MTCL1: variants seen among roughly 807,000 people sequenced by gnomAD.
MTCL1 encodes the protein microtubule crosslinking factor 1, also known as microtubule cross-linking factor 1.
Under a neutral mutation model 141.4 loss-of-function variants are expected in MTCL1, and 79 were observed. The observed-to-expected ratio is 0.56, with a 90% CI of 0.47 to 0.67. MTCL1 has a LOEUF of 0.67. Among genes scored for constraint, MTCL1 ranks in the 30% least tolerant of loss-of-function variants. The probability of loss-of-function intolerance (pLI) is 0.00; values close to 1 mark genes in which losing one functional copy is unlikely to be tolerated. For missense variants in MTCL1, 2,177 were observed against 2,113.9 expected (o/e 1.03, Z -0.59); for synonymous variants, 914 against 875.8 (o/e 1.04, Z -0.77).
chr18:8,825,943 A>G, exon 15 of MTCL1: 1 of 1,602,216 alleles, frequency 6.2e-7, no homozygotes. Flanking sequence ...CCCCGACCAG[A>G]GCTGGGCCCA....
intron 5 of MTCL1, among the ~76,000 whole-genome samples, chr18:8,780,005 A>C (rs1026650007): frequency 2.0e-5 from 3 of 152,112 alleles, no homozygotes; most frequent in African/African-American, 7.2e-5. Context: ...CCAGAAATCA[A>C]GGTGATTTGA....
chr18:8,832,026 A>G, exon 17 of MTCL1: 1 of 601,026 alleles, frequency 1.7e-6, no homozygotes, highest in East Asian at 2.8e-5. Flanking sequence ...ATAGCTCAGA[A>G]AACTATTTTT....
intron 7 of MTCL1, among the ~76,000 whole-genome samples, chr18:8,788,870 G>A (rs752460966): frequency 2.0e-5 from 3 of 152,214 alleles, no homozygotes; most frequent in Non-Finnish European, 2.9e-5. Context: ...TGTTTCTGCT[G>A]CCTGCTCTTC....
chr18:8,812,775 A>G, intron 11 of MTCL1: 1 of 586,310 alleles, frequency 1.7e-6, no homozygotes, highest in Admixed American at 3.3e-5. Flanking sequence ...TGGGAAGCTC[A>G]GTTTACTCAC....
At chr18:8,746,364 G>T (rs527530075) in intron 4 of MTCL1, among the ~76,000 whole-genome samples, 1 of 152,288 alleles carries the variant, frequency 6.6e-6, no homozygotes, top group South Asian at 2.1e-4. Flanking sequence ...AATGCACAAG[G>T]CTTCCAATTT....
chr18:8,783,690 C>A (rs779687112), exon 6 of MTCL1: 14 of 1,610,236 alleles, frequency 8.7e-6, no homozygotes, highest in Non-Finnish European at 1.2e-5. Context: ...CCCCTGCCCA[C>A]GGGGGAAGCA....
chr18:8,823,579 C>T (rs16954325), intron 14 of MTCL1, among the ~76,000 whole-genome samples: 17,531 of 152,250 alleles, frequency 0.12, 1,107 homozygotes, highest in Middle Eastern at 0.14. Context: ...CCTTCCTTTC[C>T]GGCACTGGAT....
intron 4 of MTCL1, among the ~76,000 whole-genome samples, chr18:8,768,187 A>G (rs2096468142): frequency 6.6e-6 from 1 of 152,146 alleles, no homozygotes; most frequent in African/African-American, 2.4e-5. Flanking sequence ...ATTGTACTAT[A>G]CTTGGTTTAT....
chr18:8,811,440 G>A (rs2076481475), intron 11 of MTCL1, among the ~76,000 whole-genome samples: 1 of 151,894 alleles, frequency 6.6e-6, no homozygotes, highest in Non-Finnish European at 1.5e-5. Context: ...GAAGTTTGGG[G>A]GACAAACATC....
At chr18:8,711,054 G>A (rs956296909) in intron 1 of MTCL1, among the ~76,000 whole-genome samples, 1 of 148,166 alleles carries the variant, frequency 6.7e-6, no homozygotes, top group African/African-American at 2.5e-5. Context: ...CCTACTCCTC[G>A]ACAGTCCCCA....
intron 3 of MTCL1, among the ~76,000 whole-genome samples, chr18:8,719,172 G>A (rs1027194756): frequency 8.5e-5 from 13 of 152,146 alleles, no homozygotes; most frequent in South Asian, 2.1e-4. Flanking sequence ...GGAGAAGTGG[G>A]AATAATGGGA....
intron 14 of MTCL1, among the ~76,000 whole-genome samples, chr18:8,824,342 C>T (rs754830173): frequency 6.6e-6 from 1 of 152,238 alleles, no homozygotes; most frequent in African/African-American, 2.4e-5. Flanking sequence ...CGTCTTCACC[C>T]TTCAGCTGTG....
intron 14 of MTCL1, among the ~76,000 whole-genome samples, chr18:8,824,262 G>T (rs2076939228): frequency 6.6e-6 from 1 of 152,226 alleles, no homozygotes; most frequent in Non-Finnish European, 1.5e-5. Context: ...CTAACACATG[G>T]AAGAATCCAC....
intron 10 of MTCL1, 94 bp from the exon 10 acceptor site, chr18:8,806,799 C>A: frequency 7.4e-7 from 1 of 1,360,244 alleles, no homozygotes. Flanking sequence ...TGGGAAACAG[C>A]CCCCACACTA....
Position 8,753,579 on chromosome 18 carries a change from C to G in MTCL1, c.358-24254C>G, listed in dbSNP as rs573168391. Among the ~76,000 whole-genome samples the G allele has an allele frequency of 1.6e-4, 25 of 152,302 alleles. No individual in the cohort carries two copies. The South Asian group carries it at 4.8e-3, about 29-fold the overall frequency. On this transcript the variant is annotated intron_variant, in intron 4 of 16. Transcript: ENST00000359865. The stretch of plus-strand genomic sequence containing the variant: ...CCAGCTCTGCCCTGACTCCCTGGTC[C>G]TTTTTACCTGGTGACATCAGAGAGC...
chr18:8,754,057 C>T (rs902935337), intron 4 of MTCL1, among the ~76,000 whole-genome samples: 4 of 151,962 alleles, frequency 2.6e-5, no homozygotes, highest in African/African-American at 9.7e-5. Flanking sequence ...GAAATTTTCC[C>T]CCTACTTCCT....
At chr18:8,751,751 A>G (rs2096372538) in intron 4 of MTCL1, among the ~76,000 whole-genome samples, 1 of 152,196 alleles carries the variant, frequency 6.6e-6, no homozygotes, top group African/African-American at 2.4e-5. Context: ...ACATCACAAT[A>G]CAAAAACAAT....
rs188226903 is a variant in MTCL1 at position 8,724,607 on chromosome 18, A to G, written c.357+4111A>G. ...TCTGAACATGTCACTCTGCTTAAAC[A>G]GGCAGACTTGCCTTGGCTTGTCTTA... On this transcript the variant is annotated intron_variant, in intron 4 of 16. Coordinates refer to ENST00000359865, the Ensembl canonical transcript of MTCL1. 1.7e-3 allele frequency among the ~76,000 whole-genome samples: 257 copies of G among 152,232 alleles called. 1 individual carries two copies. Among genetic ancestry groups the G allele is most frequent in the Non-Finnish European group, 2.0e-3 (133 of 68,022 alleles).
chr18:8,720,636 T>A lies in MTCL1; in HGVS notation c.357+140T>A, dbSNP rs150169015. The A allele has an allele frequency of 7.7e-3, 5,984 of 775,992 alleles. 34 individuals carry two copies. The highest frequency in any genetic ancestry group is 9.3e-3 in the Non-Finnish European group (4,636 of 500,780). 48.1% of individuals were successfully genotyped at this position (775,992 alleles called of 1,614,324 possible). A position where few individuals can be genotyped will look rare whatever the true frequency, so the allele number is the denominator to read the frequency against. Reference sequence around the variant, plus strand: ...TTTGTTTGGCTCATAAGTTAGATTGTTTTTACATTTTTTTCCTAGCGTGGT... The same window carrying A: ...TTTGTTTGGCTCATAAGTTAGATTGATTTTACATTTTTTTCCTAGCGTGGT... On this transcript the variant is annotated intron_variant, in intron 4 of 16. Transcript: ENST00000359865.
Sources: gnomAD v4.1 joint callset for allele counts (sites outside exome capture counted in the v4.1 genomes callset) on GRCh38, gnomAD v4.1.1 for gene constraint, MANE v1.5 for transcripts, NCBI Gene and HGNC (gene_info 2026-07-23, HGNC 2026-07-21) for gene names.